PDE4DIP: variants seen among roughly 807,000 people sequenced by gnomAD.
PDE4DIP encodes the protein phosphodiesterase 4D interacting protein.
PDE4DIP carries 59 observed loss-of-function variants against 221.4 expected under a neutral mutation model. The ratio of observed to expected loss-of-function variants is 0.27; its 90% CI spans 0.22 to 0.33. PDE4DIP has a LOEUF of 0.33. Ranked by LOEUF, PDE4DIP falls within the 10% of genes least tolerant of loss-of-function variation. The pLI is 1.00. For missense variants in PDE4DIP, 1,036 were observed against 2,154.2 expected (o/e 0.48, Z 10.28); for synonymous variants, 404 against 815.9 (o/e 0.50, Z 8.60).
At chr1:148,859,475 T>C (rs1261414974) in intron 1 of PDE4DIP, among the ~76,000 whole-genome samples, 1 of 151,848 alleles carries the variant, frequency 6.6e-6, no homozygotes, top group Non-Finnish European at 1.5e-5. Flanking sequence ...TATGTGGTTT[T>C]AGTGGAATTG....
At chr1:148,955,931 C>T (rs1420413705) in intron 5 of PDE4DIP, among the ~76,000 whole-genome samples, 2 of 151,714 alleles carry the variant, frequency 1.3e-5, no homozygotes, top group African/African-American at 2.4e-5. Context: ...AATTATTATG[C>T]CATTTTCTCT....
intron 2 of PDE4DIP, among the ~76,000 whole-genome samples, 165 bp downstream of exon 2, chr1:148,863,470 C>T (rs1489869177): frequency 2.2e-5 from 2 of 92,584 alleles, no homozygotes; most frequent in Non-Finnish European, 4.3e-5. Context: ...TATCCTTTCA[C>T]CTCAGCCTCC....
At chr1:149,001,084 T>A (rs1553575153) in intron 23 of PDE4DIP, among the ~76,000 whole-genome samples, 6 of 152,264 alleles carry the variant, frequency 3.9e-5, no homozygotes, top group African/African-American at 1.4e-4. Context: ...GAGCCAGACA[T>A]AAAGCAAACA....
At chr1:148,876,658 C>T (rs1691475757) in intron 3 of PDE4DIP, among the ~76,000 whole-genome samples, 1 of 100,294 alleles carries the variant, frequency 1.0e-5, no homozygotes, top group Admixed American at 9.8e-5. Flanking sequence ...ATGAGTGCAT[C>T]GTGGGTGCCA....
At chr1:148,929,987 G>A (rs1431380464) in intron 2 of PDE4DIP, 2 of 151,786 alleles carry the variant, frequency 1.3e-5, no homozygotes, top group Non-Finnish European at 2.9e-5. Flanking sequence ...AAAGTAAGGG[G>A]GAAAAGTTGC....
At chr1:148,820,192 G>T (rs1169945084) in intron 1 of PDE4DIP, among the ~76,000 whole-genome samples, 12 of 90,080 alleles carry the variant, frequency 1.3e-4, no homozygotes, top group South Asian at 4.9e-4. Context: ...CTCCCAAAGT[G>T]CTGGGATTAC....
intron 1 of PDE4DIP, among the ~76,000 whole-genome samples, chr1:148,915,097 A>G (rs1481481436): frequency 1.3e-5 from 2 of 150,570 alleles, no homozygotes; most frequent in Non-Finnish European, 2.9e-5. Context: ...ATGGATTGAT[A>G]TGGCGGTAAG....
In PDE4DIP at chr1:148,960,811, G is replaced by A. The variant is rs782300252; in HGVS notation, c.768+26G>A. 3.8e-5 allele frequency: 16 copies of A among 418,502 alleles called. No homozygotes were observed. In the East Asian group the frequency reaches 5.6e-4, roughly 15 times the overall value. The allele number at this position is 418,502 out of a possible 1,614,324, so 25.9% of individuals were successfully genotyped here. A position where few individuals can be genotyped will look rare whatever the true frequency, so the allele number is the denominator to read the frequency against. Reference sequence around the variant, plus strand: ...GTATGATTAGTACTATGCCCTAGGAGATGACAAGGTTTTCCTGAGGATGTG... The same window carrying A: ...GTATGATTAGTACTATGCCCTAGGAAATGACAAGGTTTTCCTGAGGATGTG... On this transcript the variant is annotated intron_variant, in intron 6 of 43. Coordinates refer to ENST00000369354, the Ensembl canonical transcript of PDE4DIP.
intron 22 of PDE4DIP, among the ~76,000 whole-genome samples, chr1:148,996,378 G>A (rs1246718338): frequency 1.3e-5 from 2 of 152,174 alleles, no homozygotes; most frequent in Non-Finnish European, 2.9e-5. Flanking sequence ...TTTCAGAAGT[G>A]GTTTTATTTG....
At chr1:148,961,135 T>C (rs2056825116) in intron 6 of PDE4DIP, among the ~76,000 whole-genome samples, 4 of 151,984 alleles carry the variant, frequency 2.6e-5, no homozygotes, top group Admixed American at 2.6e-4. Flanking sequence ...TGAAACCCTG[T>C]CTCTACTAAA....
intron 21 of PDE4DIP, among the ~76,000 whole-genome samples, chr1:148,986,653 C>T (rs1231117407): frequency 2.0e-5 from 3 of 152,140 alleles, no homozygotes; most frequent in South Asian, 2.1e-4. Context: ...TTTCTCCTCT[C>T]GAAGAAGTGA....
Sources: gnomAD v4.1 joint callset for allele counts (sites outside exome capture counted in the v4.1 genomes callset) on GRCh38, gnomAD v4.1.1 for gene constraint, MANE v1.5 for transcripts, NCBI Gene and HGNC (gene_info 2026-07-23, HGNC 2026-07-21) for gene names.